BCR: variants seen among roughly 807,000 people sequenced by gnomAD.
BCR encodes the protein breakpoint cluster region protein.
A neutral mutation model predicts 138.6 loss-of-function variants in BCR; 58 were observed. The observed-to-expected ratio is 0.42, with a 90% confidence interval of 0.34 to 0.52. The LOEUF (loss-of-function observed/expected upper bound fraction) is 0.52. Ranked by LOEUF, BCR falls within the 20% of genes least tolerant of loss-of-function variation. The pLI is 0.06. For synonymous variants in BCR, 786 were observed against 730.1 expected (o/e 1.08, Z -1.23); for missense variants, 1,599 against 1,727.2 (o/e 0.93, Z 1.32).
chr22:23,288,242 T>A, intron 12 of BCR, 70 bp downstream of exon 12: 10 of 1,437,890 alleles, frequency 7.0e-6, no homozygotes, highest in African/African-American at 1.4e-5. Flanking sequence ...CTCCTGTGGT[T>A]TTAAACCTTC....
chr22:23,269,897 C>T (rs1047963803), intron 5 of BCR, among the ~76,000 whole-genome samples: 4 of 152,114 alleles, frequency 2.6e-5, no homozygotes, highest in Admixed American at 6.6e-5. Context: ...CACCATGGGA[C>T]GCCACCTGGG....
intron 4 of BCR, chr22:23,264,313 C>T: frequency 1.0e-6 from 1 of 977,252 alleles, no homozygotes; most frequent in Non-Finnish European, 1.7e-6. Flanking sequence ...CATCTCTATG[C>T]TGCGCTGTCT....
intron 16 of BCR, among the ~76,000 whole-genome samples, chr22:23,304,823 G>T (rs2073940122): frequency 1.3e-5 from 2 of 152,168 alleles, no homozygotes; most frequent in South Asian, 4.1e-4. Flanking sequence ...AGAGTTAAAA[G>T]TGGGATAGAG....
At chr22:23,245,525 G>A (rs1367768501) in intron 1 of BCR, among the ~76,000 whole-genome samples, 4 of 152,162 alleles carry the variant, frequency 2.6e-5, no homozygotes, top group Non-Finnish European at 5.9e-5. Context: ...TTTAGCCAGG[G>A]TGCGGTGGCT....
At chr22:23,308,987 G>C (rs1362665582) in intron 16 of BCR, among the ~76,000 whole-genome samples, 1 of 152,166 alleles carries the variant, frequency 6.6e-6, no homozygotes, top group Admixed American at 6.5e-5. Flanking sequence ...GCCACAAGCT[G>C]TTCATGGTGC....
intron 1 of BCR, among the ~76,000 whole-genome samples, chr22:23,248,921 C>G (rs746335879): frequency 6.6e-6 from 1 of 152,194 alleles, no homozygotes; most frequent in African/African-American, 2.4e-5. Context: ...GGAGCCAGGC[C>G]TCCCAATTGG....
intron 1 of BCR, among the ~76,000 whole-genome samples, chr22:23,225,840 T>G (rs1319622084): frequency 6.6e-6 from 1 of 152,216 alleles, no homozygotes; most frequent in Non-Finnish European, 1.5e-5. Context: ...CACTATTCAT[T>G]TCGCACAGTC....
intron 1 of BCR, among the ~76,000 whole-genome samples, chr22:23,241,630 A>G (rs2073093245): frequency 6.6e-6 from 1 of 152,110 alleles, no homozygotes; most frequent in Admixed American, 6.5e-5. Flanking sequence ...CTCAGGGACT[A>G]GAAGCTCAGC....
intron 15 of BCR, among the ~76,000 whole-genome samples, chr22:23,294,407 A>T (rs1289057260): frequency 6.6e-6 from 1 of 152,178 alleles, no homozygotes; most frequent in Admixed American, 6.5e-5. Context: ...GTCCATAGAA[A>T]TATCTTTTTT....
intron 16 of BCR, among the ~76,000 whole-genome samples, chr22:23,307,123 T>G (rs1367876240): frequency 6.6e-6 from 1 of 152,224 alleles, no homozygotes; most frequent in African/African-American, 2.4e-5. Flanking sequence ...AGCCAGGGTC[T>G]CTCGCTTTGT....
At chr22:23,313,288 T>G (rs919849493) in intron 20 of BCR, among the ~76,000 whole-genome samples, 3 of 152,150 alleles carry the variant, frequency 2.0e-5, no homozygotes, top group African/African-American at 7.2e-5. Context: ...GGTCCTAAAG[T>G]CTGCTGTCCT....
At chr22:23,204,128 A>G (rs965001011) in intron 1 of BCR, among the ~76,000 whole-genome samples, 1 of 152,172 alleles carries the variant, frequency 6.6e-6, no homozygotes, top group African/African-American at 2.4e-5. Flanking sequence ...AGCACTGACT[A>G]GTCGTCCTGC....
At position 23,289,383 on chromosome 22, in the gene BCR, C is replaced by A. The variant is rs1048054140; in HGVS notation, c.2603-134C>A. On this transcript the variant is annotated intron_variant, in intron 12 of 22. Transcript: ENST00000305877. The stretch of plus-strand genomic sequence containing the variant: ...TGCACTTGAGAGCCAAGTGCCCTCT[C>A]CTGAGCCCCCAAGCCCTGGCACCAG... 12 of 714,500 alleles carry A rather than the reference C, an allele frequency of 1.7e-5. No homozygotes were observed. The South Asian group carries it at 2.0e-4, about 12-fold the overall frequency. The allele number at this position is 714,500 out of a possible 1,614,324, so 44.3% of individuals were successfully genotyped here. A position where few individuals can be genotyped will look rare whatever the true frequency, so the allele number is the denominator to read the frequency against.
rs780142795 is a variant in BCR at position 23,180,570 on chromosome 22, A to AGGCGGCGGC, written c.-378_-370dup. On this transcript the variant is annotated 5_prime_UTR_variant, in exon 1 of 23. Transcript: ENST00000305877. ...GGCTGGCTGAGCTTAGCGTCCGAGG[A>AGGCGGCGGC]GGCGGCGGCGGCGGCGGCGGCACGG... The AGGCGGCGGC allele has an allele frequency of 0.017, 1,820 of 108,994 alleles. 26 individuals carry two copies. Among genetic ancestry groups the AGGCGGCGGC allele is most frequent in the Non-Finnish European group, 0.022 (1,433 of 66,644 alleles). The allele number at this position is 108,994 out of a possible 1,614,324, so 6.8% of individuals were successfully genotyped here.
chr22:23,194,940 C>T (rs898933187), intron 1 of BCR, among the ~76,000 whole-genome samples: 36 of 152,254 alleles, frequency 2.4e-4, no homozygotes, highest in African/African-American at 8.2e-4. Context: ...GCAAGCAAGA[C>T]CCTATCTCTA....
intron 16 of BCR, among the ~76,000 whole-genome samples, chr22:23,304,213 TA>T (rs1568983488): frequency 3.3e-5 from 5 of 151,504 alleles, no homozygotes; most frequent in Non-Finnish European, 7.4e-5. Flanking sequence ...GTGCTGAGAT[TA>T]CAGGTGTGAA....
In BCR at chr22:23,316,970, C is replaced by G. The variant is rs550197; in HGVS notation, c.*1448C>G. On this transcript the variant is annotated 3_prime_UTR_variant, in exon 23 of 23. Coordinates refer to ENST00000305877, the MANE Select transcript of BCR (RefSeq NM_004327.4). ...GAGCAAACTGAGAGCCAAGTTTCCA[C>G]ACGGTCCTGCAGGAGGAGAGGATGC... The G allele has an allele frequency of 0.56, 60,689 of 108,706 alleles. 23,231 individuals carry two copies. The highest frequency in any genetic ancestry group is 1 in the East Asian group (7,261 of 7,280). The allele number at this position is 108,706 out of a possible 1,614,324, so 6.7% of individuals were successfully genotyped here.
At chr22:23,287,341 A>C in intron 11 of BCR, 63 bp downstream of exon 11, 4 of 1,471,562 alleles carry the variant, frequency 2.7e-6, no homozygotes, top group Non-Finnish European at 3.6e-6. Context: ...CTGGTTGCCT[A>C]ATGGCAGTGC....
At chr22:23,230,677 C>G (rs1175805174) in intron 1 of BCR, among the ~76,000 whole-genome samples, 1 of 152,230 alleles carries the variant, frequency 6.6e-6, no homozygotes, top group Non-Finnish European at 1.5e-5. Context: ...GCAGGGTAGG[C>G]ATGGCCATCT....
Sources: allele counts gnomAD v4.1 joint callset (sites outside exome capture counted in the v4.1 genomes callset), GRCh38; gene constraint gnomAD v4.1.1; transcripts MANE v1.5; gene names NCBI Gene and HGNC (gene_info 2026-07-23, HGNC 2026-07-21).